MIER2: variants seen among roughly 807,000 people sequenced by gnomAD.
MIER2 encodes MIER family member 2.
A neutral mutation model predicts 67.6 loss-of-function variants in MIER2; 30 were observed. The observed-to-expected ratio is 0.44, with a 90% CI of 0.33 to 0.60. MIER2 has a LOEUF of 0.60. Ranked by LOEUF, MIER2 falls within the 20% of genes least tolerant of loss-of-function variation. The pLI, the probability that MIER2 is intolerant of heterozygous loss-of-function variation, is 0.02. For synonymous variants in MIER2, 372 were observed against 312.6 expected, an observed-to-expected ratio of 1.19 and a Z score of -2.00; for missense variants, 702 against 745.1, an observed-to-expected ratio of 0.94 and a Z score of 0.67.
At chr19:323,898 C>T (rs1971609071) in intron 7 of MIER2, among the ~76,000 whole-genome samples, 1 of 151,232 alleles carries the variant, frequency 6.6e-6, no homozygotes, top group Non-Finnish European at 1.5e-5. Flanking sequence ...CACACAACCA[C>T]ACAGACGACT....
At position 327,842 on chromosome 19, in the gene MIER2, T is replaced by C. The variant is rs749751910; in HGVS notation, c.369+22A>G. The C allele has an allele frequency of 3.1e-6, 5 of 1,610,324 alleles. No homozygotes were observed. In the South Asian group the frequency reaches 4.4e-5, roughly 14 times the overall value. On this transcript the variant is annotated intron_variant, in intron 4 of 13. Transcript: ENST00000264819. ...CCCCCACCTTCAGCTGTGAGCCAGT[T>C]CCAGGAAGGGCCCTCACTTACTTTG...
At chr19:319,276 C>T (rs1175456333) in intron 7 of MIER2, among the ~76,000 whole-genome samples, 1 of 151,490 alleles carries the variant, frequency 6.6e-6, no homozygotes. Context: ...GCAGGAGAAT[C>T]GTTTGAACCT....
chr19:321,732 G>A (rs1239844844), intron 7 of MIER2, among the ~76,000 whole-genome samples: 1 of 151,994 alleles, frequency 6.6e-6, no homozygotes, highest in Non-Finnish European at 1.5e-5. Context: ...AACTTACAAA[G>A]TTAGAAGACT....
At chr19:312,081 A>AGTGGT (rs1971037661) in intron 9 of MIER2, 110 bp downstream of exon 9, 1 of 1,332,786 alleles carries the variant, frequency 7.5e-7, no homozygotes, top group Non-Finnish European at 1.0e-6. Context: ...GAGAACGGTC[A>AGTGGT]GCGGCGCCCA....
chr19:327,291 A>G (rs1334433506), intron 4 of MIER2, 35 bp from the exon 5 acceptor site: 1 of 1,565,892 alleles, frequency 6.4e-7, no homozygotes, highest in Admixed American at 2.1e-5. Flanking sequence ...AGAACATTTT[A>G]CAGTTTAACA....
chr19:327,889 T>C lies in MIER2; in HGVS notation c.344A>G (p.Asn115Ser), dbSNP rs376851727. The change falls in exon 4 of 14, where the codon AAC becomes AGC. Residue 115 changes from asparagine to serine, a missense_variant. This residue lies in a region of MIER2 where 320 missense variants were observed against 292.6 expected (regional missense o/e 1.09). Coordinates refer to ENST00000264819, the MANE Select transcript of MIER2 (RefSeq NM_017550.3). ...TTTGTCCAGGGTCATGTCTGGGAGG[T>C]TCGGGGCCACGTCACCACCCTCACT... ...RESEGGDVAPNLPDMTLDKEQ... is the reference protein window; with the variant it reads ...RESEGGDVAPSLPDMTLDKEQ... 70 of 1,612,122 alleles carry C rather than the reference T, an allele frequency of 4.3e-5. No individual in the cohort carries two copies. Among genetic ancestry groups the C allele is most frequent in the African/African-American group, 5.4e-5 (4 of 74,710 alleles).
chr19:343,223 T>C (rs1475211563), intron 1 of MIER2, among the ~76,000 whole-genome samples: 3 of 152,210 alleles, frequency 2.0e-5, no homozygotes, highest in South Asian at 2.1e-4. Context: ...AACAGCCACA[T>C]GGCAGCTCTG....
At chr19:328,019 C>G (rs1420487268) in intron 3 of MIER2, 30 bp from the exon 4 acceptor site, 1 of 1,610,552 alleles carries the variant, frequency 6.2e-7, no homozygotes, top group Non-Finnish European at 8.5e-7. Flanking sequence ...AAGGCCCCAT[C>G]AGGAGGGACG....
Position 327,997 on chromosome 19 carries a change from G to A in MIER2, c.244-8C>T, listed in dbSNP as rs183650787. 13 of 1,613,024 alleles carry A rather than the reference G, an allele frequency of 8.1e-6. No individual in the cohort carries two copies. In the East Asian group the frequency reaches 2.7e-4, roughly 33 times the overall value. The stretch of plus-strand genomic sequence containing the variant: ...AAAGGGCATGTCGTTGCTCTGAGTT[G>A]GGGAAGGGAACAAGGCCCCATCAGG... On this transcript the variant is annotated splice_polypyrimidine_tract_variant and splice_region_variant and intron_variant, in intron 3 of 13. Coordinates refer to ENST00000264819, the MANE Select transcript of MIER2 (RefSeq NM_017550.3).
Position 326,602 on chromosome 19 carries a change from T to C in MIER2, c.494-4A>G. 6.2e-7 allele frequency: 1 copy of C among 1,613,806 alleles called. No homozygotes were observed. Among genetic ancestry groups the C allele is most frequent in the Non-Finnish European group, 8.5e-7 (1 of 1,179,756 alleles). Reference sequence around the variant, plus strand: ...TCTTCATCAGCCAGGAAACGAGCTTTGGGAAAACAGAGGCAGGTCCCCCAG... The same window carrying C: ...TCTTCATCAGCCAGGAAACGAGCTTCGGGAAAACAGAGGCAGGTCCCCCAG... On this transcript the variant is annotated splice_region_variant and splice_polypyrimidine_tract_variant and intron_variant, in intron 5 of 13. Transcript: ENST00000264819.
chr19:317,339 A>C (rs1184766418), intron 7 of MIER2, among the ~76,000 whole-genome samples: 1 of 152,008 alleles, frequency 6.6e-6, no homozygotes, highest in Non-Finnish European at 1.5e-5. Context: ...CACCCGGGCT[A>C]ACACGGTGAA....
At chr19:325,590 C>T (rs371453412) in intron 7 of MIER2, 45 bp downstream of exon 7, 1 of 1,608,576 alleles carries the variant, frequency 6.2e-7, no homozygotes, top group Admixed American at 1.7e-5. Context: ...AGGCCACTCC[C>T]CTTGCAGAAG....
Position 306,785 on chromosome 19 carries a change from G to A in MIER2, c.1617-74C>T, listed in dbSNP as rs533062312. ...ACGTGCCTGCACAGCCCAGTGCTGA[G>A]CGCTGGACTCGAGACTCCCAGCCTT... On this transcript the variant is annotated intron_variant, in intron 13 of 13. Coordinates refer to ENST00000264819, the MANE Select transcript of MIER2 (RefSeq NM_017550.3). 16 of 1,548,656 alleles carry A rather than the reference G, an allele frequency of 1.0e-5. No individual in the cohort carries two copies. The East Asian group carries it at 3.2e-4, about 31-fold the overall frequency.
intron 3 of MIER2, among the ~76,000 whole-genome samples, chr19:329,703 A>G (rs117884895): frequency 0.013 from 1,959 of 152,084 alleles, 94 homozygotes; most frequent in Admixed American, 0.11. Context: ...CCTAACTAAC[A>G]TGGAGAAACC....
chr19:313,394 C>T (rs1364827905), intron 8 of MIER2, 98 bp downstream of exon 8: 3 of 1,534,952 alleles, frequency 2.0e-6, no homozygotes, highest in Non-Finnish European at 2.6e-6. Flanking sequence ...CCTGCCCTCC[C>T]CTCTGCCCTC....
In MIER2 at chr19:306,423, G is replaced by A. The variant is rs1333345275; in HGVS notation, c.*267C>T. 8 of 587,866 alleles carry A rather than the reference G, an allele frequency of 1.4e-5. No homozygotes were observed. Among genetic ancestry groups the A allele is most frequent in the Admixed American group, 3.0e-5 (1 of 33,028 alleles). The allele number at this position is 587,866 out of a possible 1,614,324, so 36.4% of individuals were successfully genotyped here. On this transcript the variant is annotated 3_prime_UTR_variant, in exon 14 of 14. Coordinates refer to ENST00000264819, the MANE Select transcript of MIER2 (RefSeq NM_017550.3). Reference sequence around the variant, plus strand: ...TCTCTTCTGTCCCCGGCTGCCCGACGGATCCCACGTGCAGGCAGCGGCCCG... The same window carrying A: ...TCTCTTCTGTCCCCGGCTGCCCGACAGATCCCACGTGCAGGCAGCGGCCCG...
chr19:326,668 C>T (rs1971767743), intron 5 of MIER2, 70 bp from the exon 6 acceptor site: 1 of 1,206,700 alleles, frequency 8.3e-7, no homozygotes, highest in Non-Finnish European at 1.2e-6. Context: ...CTTCTCTCCA[C>T]TCCCATTCTC....
chr19:326,305 G>T (rs1971742838), intron 6 of MIER2, among the ~76,000 whole-genome samples: 1 of 151,134 alleles, frequency 6.6e-6, no homozygotes, highest in African/African-American at 2.4e-5. Context: ...TGCCAGGTTG[G>T]GGACACGGCA....
intron 7 of MIER2, among the ~76,000 whole-genome samples, chr19:314,102 G>A (rs1028167056): frequency 1.7e-4 from 26 of 152,166 alleles, no homozygotes; most frequent in African/African-American, 1.7e-4. Context: ...CAGCAAGGAC[G>A]CCCCCGACTC....
Sources: gnomAD v4.1 joint callset for allele counts (sites outside exome capture counted in the v4.1 genomes callset) on GRCh38, gnomAD v4.1.1 for gene constraint, gnomAD v4.1.1 regional missense constraint, MANE v1.5 for transcripts, NCBI Gene and HGNC (gene_info 2026-07-23, HGNC 2026-07-21) for gene names.